AP3M2: variants seen among roughly 807,000 people sequenced by gnomAD.
The protein encoded by AP3M2 is AP-3 complex subunit mu-2.
AP3M2 carries 28 observed loss-of-function variants against 41.6 expected under a neutral mutation model. The observed-to-expected ratio is 0.67, with a 90% CI of 0.50 to 0.92. The LOEUF (loss-of-function observed/expected upper bound fraction) is 0.92. Among genes scored for constraint, AP3M2 ranks in the 40% least tolerant of loss-of-function variants. The pLI is 0.00. For missense variants in AP3M2, 427 were observed against 521.4 expected, an observed-to-expected ratio of 0.82 and a Z score of 1.76; for synonymous variants, 193 against 186.4, an observed-to-expected ratio of 1.04 and a Z score of -0.29.
chr8:42,168,963 C>A lies in AP3M2; in HGVS notation c.1159C>A (p.Leu387Ile). 6.2e-7 allele frequency: 1 copy of A among 1,600,644 alleles called. No individual in the cohort carries two copies. Among genetic ancestry groups the A allele is most frequent in the Non-Finnish European group, 8.5e-7 (1 of 1,174,256 alleles). Residue 387 changes from leucine to isoleucine, a missense_variant and splice_region_variant, in exon 9 of 9, where the codon CTC (leucine) becomes ATC (isoleucine). By Grantham distance (5) the Leu-to-Ile change is conservative. Coordinates refer to ENST00000396926, the MANE Select transcript of AP3M2 (RefSeq NM_006803.4). ...TTCCCTCTCTCCCTCCTTTCTAGGA[C>A]TCAAGGTGAATCGTCTGGATATGTA... Reference protein sequence around the residue: ...FKIQQLAISGLKVNRLDMYGE... With the variant: ...FKIQQLAISGIKVNRLDMYGE...
chr8:42,167,864 C>A, intron 8 of AP3M2, 54 bp downstream of exon 8: 1 of 1,561,138 alleles, frequency 6.4e-7, no homozygotes, highest in South Asian at 1.2e-5. Context: ...GGCTTTCTGC[C>A]ATATGGCGCA....
chr8:42,160,992 A>G (rs186802357), intron 3 of AP3M2, among the ~76,000 whole-genome samples: 24 of 152,336 alleles, frequency 1.6e-4, no homozygotes, highest in Admixed American at 1.5e-3. Context: ...AGAAAAGGGT[A>G]TCTAAGAACC....
chr8:42,157,384 A>C (rs1804381908), intron 2 of AP3M2, among the ~76,000 whole-genome samples: 1 of 152,220 alleles, frequency 6.6e-6, no homozygotes, highest in Non-Finnish European at 1.5e-5. Flanking sequence ...CAGATAATTT[A>C]GCACCTAACG....
chr8:42,155,846 C>T, intron 2 of AP3M2: 1 of 375,186 alleles, frequency 2.7e-6, no homozygotes, highest in Middle Eastern at 5.3e-4. Flanking sequence ...AGGACCCACA[C>T]ACTATGATAA....
chr8:42,168,601 C>T (rs1168924411), intron 8 of AP3M2, among the ~76,000 whole-genome samples: 1 of 152,092 alleles, frequency 6.6e-6, no homozygotes. Context: ...ATTGTTAATT[C>T]CTTTATTTAT....
chr8:42,167,283 T>A lies in AP3M2; in HGVS notation c.923T>A (p.Val308Glu). The A allele has an allele frequency of 6.2e-7, 1 of 1,613,694 alleles. No homozygotes were observed. Among genetic ancestry groups the A allele is most frequent in the Non-Finnish European group, 8.5e-7 (1 of 1,179,932 alleles). The change falls in exon 7 of 9, where the codon GTG (valine) becomes GAG (glutamate). Residue 308 changes from valine to glutamate, a missense_variant. Val to Glu is a moderately radical substitution (Grantham distance 121). Around this residue, in one of 3 missense-constraint regions of AP3M2, gnomAD observed 237 missense variants for 284.9 expected, o/e 0.83. Transcript: ENST00000396926. ...ACGATGGGGAAGACCATTGAGGGAG[T>A]GACTGTCACCAGCCAGATGCCCAAG... The part of the protein sequence containing the change: ...KQTMGKTIEG[V>E]TVTSQMPKGV...
At chr8:42,162,799 A>G (rs1487587824) in intron 4 of AP3M2, among the ~76,000 whole-genome samples, 1 of 151,796 alleles carries the variant, frequency 6.6e-6, no homozygotes, top group Non-Finnish European at 1.5e-5. Flanking sequence ...GAAAAAAATT[A>G]CCTGAGCATA....
chr8:42,167,584 A>G (rs1292622714), intron 7 of AP3M2, 82 bp from the exon 8 acceptor site: 11 of 1,520,042 alleles, frequency 7.2e-6, no homozygotes, highest in Non-Finnish European at 9.8e-6. Context: ...CCCTGAGTTT[A>G]GATCTCAGCC....
chr8:42,154,880 T>G lies in AP3M2; in HGVS notation c.193T>G (p.Phe65Val), dbSNP rs1191661328. The change falls in exon 2 of 9, where the codon TTT (phenylalanine) becomes GTT (valine). Residue 65 changes from phenylalanine (F) to valine (V), a missense_variant. Physicochemically the swap from Phe to Val is conservative, Grantham distance 50 (BLOSUM62 -1). Coordinates refer to ENST00000396926, the MANE Select transcript of AP3M2 (RefSeq NM_006803.4). ...YLLSVYRHKI[F>V]FVAVIQTEVP... ...CTTAAGTGTTTACCGCCACAAGATC[T>G]TTTTTGTGGCCGTGATCCAGACGGA... 2.5e-6 allele frequency: 4 copies of G among 1,614,192 alleles called. No homozygotes were observed. The highest frequency in any genetic ancestry group is 1.1e-5 in the South Asian group (1 of 91,080).
rs115431144 is a variant in AP3M2, at chr8:42,169,318, T to G, written c.*257T>G. The G allele has an allele frequency of 8.8e-4, 280 of 316,798 alleles. 1 individual carries two copies. The highest frequency in any genetic ancestry group is 5.3e-3 in the African/African-American group (250 of 46,778). 19.6% of individuals were successfully genotyped at this position (316,798 alleles called of 1,614,324 possible). A position where few individuals can be genotyped will look rare whatever the true frequency, so the allele number is the denominator to read the frequency against. Reference sequence around the variant, plus strand: ...ATGGGGGTAGGAAGCTTGGTGCTTATGTAACCATTTTAAACGTGGTTTCTA... The same window carrying G: ...ATGGGGGTAGGAAGCTTGGTGCTTAGGTAACCATTTTAAACGTGGTTTCTA... On this transcript the variant is annotated 3_prime_UTR_variant, in exon 9 of 9. Coordinates refer to ENST00000396926, the MANE Select transcript of AP3M2 (RefSeq NM_006803.4).
Position 42,169,869 on chromosome 8 carries a change from T to G in AP3M2, c.*808T>G, listed in dbSNP as rs1265898077. The G allele has an allele frequency of 2.6e-5, 4 of 152,240 alleles. No individual in the cohort carries two copies. Among genetic ancestry groups the G allele is most frequent in the Non-Finnish European group, 4.4e-5 (3 of 68,060 alleles). 9.4% of individuals were successfully genotyped at this position (152,240 alleles called of 1,614,324 possible). A position where few individuals can be genotyped will look rare whatever the true frequency, so the allele number is the denominator to read the frequency against. The stretch of plus-strand genomic sequence containing the variant: ...TCCCATGGTGGCTGCCTAAAGTGCT[T>G]CTTTTCTAACCCAAAACAGTTCTAC... On this transcript the variant is annotated 3_prime_UTR_variant, in exon 9 of 9. Transcript: ENST00000396926.
At chr8:42,159,070 C>T (rs910248481) in intron 3 of AP3M2, among the ~76,000 whole-genome samples, 3 of 152,358 alleles carry the variant, frequency 2.0e-5, no homozygotes, top group African/African-American at 7.2e-5. Flanking sequence ...TCTGGGATTA[C>T]AGGTGGGAGC....
At position 42,154,686 on chromosome 8, in the gene AP3M2, C is replaced by G; in HGVS notation, c.-2C>G. 3 of 1,613,260 alleles carry G rather than the reference C, an allele frequency of 1.9e-6. No homozygotes were observed. The highest frequency in any genetic ancestry group is 2.5e-6 in the Non-Finnish European group (3 of 1,179,454). Reference sequence around the variant, plus strand: ...TTTCTTCTGTCACTGACAATCGCCACCATGATCCATAGTCTTTTCTTGATC... The same window carrying G: ...TTTCTTCTGTCACTGACAATCGCCAGCATGATCCATAGTCTTTTCTTGATC... On this transcript the variant is annotated 5_prime_UTR_variant, in exon 2 of 9. Transcript: ENST00000396926.
chr8:42,154,127 T>G (rs1042306971), intron 1 of AP3M2: 1 of 152,724 alleles, frequency 6.5e-6, no homozygotes, highest in Non-Finnish European at 1.5e-5. Context: ...TGTCTTACAC[T>G]TAACAGCACA....
chr8:42,157,648 A>G (rs941352203), intron 2 of AP3M2, among the ~76,000 whole-genome samples: 1 of 152,138 alleles, frequency 6.6e-6, no homozygotes, highest in African/African-American at 2.4e-5. Context: ...ATCAAGATTC[A>G]ATTTTGTATT....
In AP3M2 at chr8:42,167,756, G is replaced by C. The variant is rs1200419057; in HGVS notation, c.1102G>C (p.Asp368His). 6.2e-7 allele frequency: 1 copy of C among 1,614,052 alleles called. No homozygotes were observed. Among genetic ancestry groups the C allele is most frequent in the East Asian group, 2.2e-5 (1 of 44,890 alleles). Residue 368 changes from aspartate (D) to histidine (H), a missense_variant, in exon 8 of 9, where the codon GAT becomes CAT. Around this residue, in one of 3 missense-constraint regions of AP3M2, gnomAD observed 237 missense variants for 284.9 expected, o/e 0.83. Coordinates refer to ENST00000396926, the MANE Select transcript of AP3M2 (RefSeq NM_006803.4). ...TCTTCAGGCTGGAGCTTCCAAACCAGATGAAAACCCCACAATTAACCTGCA... is the reference window on the plus strand; with the variant it reads ...TCTTCAGGCTGGAGCTTCCAAACCACATGAAAACCCCACAATTAACCTGCA... ...MSLQAGASKP[D>H]ENPTINLQFK...
Position 42,168,992 on chromosome 8 carries a change from A to C in AP3M2, c.1188A>C (p.Gly396=). ...GLKVNRLDMY[G]EKYKPFKGIK... Reference sequence around the variant, plus strand: ...AGGTGAATCGTCTGGATATGTATGGAGAAAAGTACAAACCCTTTAAGGGCA... The same window carrying C: ...AGGTGAATCGTCTGGATATGTATGGCGAAAAGTACAAACCCTTTAAGGGCA... The change falls in exon 9 of 9, where the codon GGA becomes GGC. Residue 396 remains glycine (G), a synonymous_variant. Transcript: ENST00000396926. 1 of 1,609,422 alleles carries C rather than the reference A, an allele frequency of 6.2e-7. No individual in the cohort carries two copies. The highest frequency in any genetic ancestry group is 8.5e-7 in the Non-Finnish European group (1 of 1,178,166).
chr8:42,168,297 T>C (rs555830944), intron 8 of AP3M2: 13 of 447,388 alleles, frequency 2.9e-5, no homozygotes, highest in African/African-American at 2.4e-4. Context: ...AGTCATCAGT[T>C]ACCACTTTGG....
In AP3M2 at chr8:42,165,424, T is replaced by C. The variant is rs373494937; in HGVS notation, c.670-3T>C. Reference sequence around the variant, plus strand: ...CTTGCTTCTCCTCTCCTGATGACTGTAGAACCCTAGGTTGTTGGATGATGT... The same window carrying C: ...CTTGCTTCTCCTCTCCTGATGACTGCAGAACCCTAGGTTGTTGGATGATGT... On this transcript the variant is annotated splice_polypyrimidine_tract_variant and splice_region_variant and intron_variant, in intron 5 of 8. Coordinates refer to ENST00000396926, the MANE Select transcript of AP3M2 (RefSeq NM_006803.4). 7 of 1,614,102 alleles carry C rather than the reference T, an allele frequency of 4.3e-6. No homozygotes were observed. In the Middle Eastern group the frequency reaches 6.6e-4, roughly 152 times the overall value.
Sources: allele counts gnomAD v4.1 joint callset (sites outside exome capture counted in the v4.1 genomes callset), GRCh38; gene constraint gnomAD v4.1.1; regional missense constraint gnomAD v4.1.1; transcripts MANE v1.5; gene names NCBI Gene and HGNC (gene_info 2026-07-23, HGNC 2026-07-21).